The following ALG11 variants were observed in gnomAD, a reference collection of about 807,000 sequenced individuals.
ALG11 encodes the protein ALG11 alpha-1,2-mannosyltransferase.
In ALG11, 26 loss-of-function variants were observed where a neutral mutation model predicts 38.8. That is an observed-to-expected ratio of 0.67 (90% CI 0.49 to 0.93). The LOEUF is 0.93. Among genes scored for constraint, ALG11 ranks in the 40% least tolerant of loss-of-function variants. ALG11 has a pLI of 0.00. For synonymous variants in ALG11, 199 were observed against 211.6 expected, an observed-to-expected ratio of 0.94 and a Z score of 0.52; for missense variants, 535 against 578.8, an observed-to-expected ratio of 0.92 and a Z score of 0.78.
chr13:52,025,054 C>G lies in ALG11; in HGVS notation c.1207+117C>G. On this transcript the variant is annotated intron_variant, in intron 3 of 3. Transcript: ENST00000521508. ...CATGCCCTAATTCTCTTGCCCTCAT[C>G]CACCAAATGTGCTTTCCTCACTTGA... 8 of 1,165,944 alleles carry G rather than the reference C, an allele frequency of 6.9e-6. 1 individual carries two copies. Among genetic ancestry groups the G allele is most frequent in the South Asian group, 6.3e-5 (5 of 79,362 alleles). 72.2% of individuals were successfully genotyped at this position (1,165,944 alleles called of 1,614,324 possible).
At position 52,031,173 on chromosome 13, in the gene ALG11, C is replaced by A; in HGVS notation, c.*2583C>A. 1.3e-6 allele frequency: 2 copies of A among 1,526,452 alleles called. No individual in the cohort carries two copies. The highest frequency in any genetic ancestry group is 8.8e-7 in the Non-Finnish European group (1 of 1,139,168). The allele number at this position is 1,526,452 out of a possible 1,614,324, so 94.6% of individuals were successfully genotyped here. On this transcript the variant is annotated 3_prime_UTR_variant, in exon 4 of 4. Transcript: ENST00000521508. ...CTTCCTTTGGTCCAGTTTTACTCTG[C>A]TACAGGGTGGATTCCAAAACTGGCT... is the stretch of plus-strand genomic sequence containing the variant.
In ALG11 at chr13:52,024,392, C is replaced by G. The variant is rs142637770; in HGVS notation, c.662C>G (p.Ala221Gly). ...KNQNIGFNNAAFITRNPFLSK... is the reference protein window; with the variant it reads ...KNQNIGFNNAGFITRNPFLSK... The stretch of plus-strand genomic sequence containing the variant: ...CAAAATATTGGATTTAATAATGCAG[C>G]CTTCATTACCAGGAATCCTTTTCTC... Residue 221 changes from alanine (A) to glycine (G), a missense_variant, in exon 3 of 4, where the codon GCC becomes GGC. By Grantham distance (60) the Ala-to-Gly change is moderately conservative. Coordinates refer to ENST00000521508, the MANE Select transcript of ALG11 (RefSeq NM_001004127.3). The G allele has an allele frequency of 5.1e-5, 82 of 1,613,550 alleles. No individual in the cohort carries two copies. The highest frequency in any genetic ancestry group is 1.7e-4 in the Middle Eastern group (1 of 6,060).
In ALG11 at chr13:52,032,818, A is replaced by C. The variant is rs1954318376; in HGVS notation, c.*4228A>C. ...TATTTTCAGCTTTACAGACAAGAAC[A>C]ATTTAAATCTAAAGAATTTAGTAGA... On this transcript the variant is annotated 3_prime_UTR_variant, in exon 4 of 4. Transcript: ENST00000521508. 1 of 167,118 alleles carries C rather than the reference A, an allele frequency of 6.0e-6. No homozygotes were observed. Among genetic ancestry groups the C allele is most frequent in the South Asian group, 2.1e-4 (1 of 4,832 alleles). The allele number at this position is 167,118 out of a possible 1,614,324, so 10.4% of individuals were successfully genotyped here.
Position 52,029,102 on chromosome 13 carries a change from G to C in ALG11, c.*512G>C. 2 of 1,614,178 alleles carry C rather than the reference G, an allele frequency of 1.2e-6. No homozygotes were observed. The highest frequency in any genetic ancestry group is 1.7e-6 in the Non-Finnish European group (2 of 1,180,042). ...GCCCGTTAAAACTTCATCTTCTTTG[G>C]CCACTGTAAAAAAGCAACTGAATAG... On this transcript the variant is annotated 3_prime_UTR_variant, in exon 4 of 4. Transcript: ENST00000521508.
intron 1 of ALG11, among the ~76,000 whole-genome samples, chr13:52,015,335 G>T (rs891908818): frequency 6.6e-6 from 1 of 152,196 alleles, no homozygotes; most frequent in Non-Finnish European, 1.5e-5. Flanking sequence ...GAGCCAAGGA[G>T]TTTGGGGCTG....
Position 52,033,190 on chromosome 13 carries a change from G to A in ALG11, c.*4600G>A, listed in dbSNP as rs1954322159. On this transcript the variant is annotated 3_prime_UTR_variant, in exon 4 of 4. Transcript: ENST00000521508. ...TGATAGCATGAAAAGTGTCAAAGTG[G>A]TTTGTCCGCTAGCGTCTGTCTGCAG... 6.0e-6 allele frequency: 1 copy of A among 166,924 alleles called. No individual in the cohort carries two copies. Among genetic ancestry groups the A allele is most frequent in the South Asian group, 2.1e-4 (1 of 4,816 alleles). The allele number at this position is 166,924 out of a possible 1,614,324, so 10.3% of individuals were successfully genotyped here.
rs764944323 is a variant in ALG11, at chr13:52,024,440, A to G, written c.710A>G (p.Tyr237Cys). The G allele has an allele frequency of 6.2e-7, 1 of 1,613,902 alleles. No homozygotes were observed. Among genetic ancestry groups the G allele is most frequent in the African/African-American group, 1.3e-5 (1 of 74,918 alleles). ...CTCAGCAAAGTAAAGCTCATCTACT[A>G]CTATTTATTTGCTTTTATTTATGGA... The part of the protein sequence containing the change: ...PFLSKVKLIY[Y>C]YLFAFIYGLV... Residue 237 changes from tyrosine (Y) to cysteine (C), a missense_variant, in exon 3 of 4, where the codon TAC (tyrosine) becomes TGC (cysteine). Physicochemically the swap from Tyr to Cys is radical, Grantham distance 194. Coordinates refer to ENST00000521508, the MANE Select transcript of ALG11 (RefSeq NM_001004127.3).
At chr13:52,013,618 A>G (rs1593897079) in intron 1 of ALG11, among the ~76,000 whole-genome samples, 1 of 152,386 alleles carries the variant, frequency 6.6e-6, no homozygotes, top group Non-Finnish European at 1.5e-5. Flanking sequence ...AATTGCCAGA[A>G]AAACCTTTAC....
rs752079420 is a variant in ALG11 at position 52,030,538 on chromosome 13, A to G, written c.*1948A>G. On this transcript the variant is annotated 3_prime_UTR_variant, in exon 4 of 4. Transcript: ENST00000521508. ...TGAGGTCTTTGGCAGTTCCCACAAT[A>G]ATAGAGGAGCTGGAAGATGAAGAGG... is the stretch of plus-strand genomic sequence containing the variant. 1.9e-6 allele frequency: 3 copies of G among 1,614,154 alleles called. No individual in the cohort carries two copies. Among genetic ancestry groups the G allele is most frequent in the Non-Finnish European group, 2.5e-6 (3 of 1,180,038 alleles).
chr13:52,019,129 A>G lies in ALG11; in HGVS notation c.261A>G (p.Arg87=). 2 of 1,613,400 alleles carry G rather than the reference A, an allele frequency of 1.2e-6. No individual in the cohort carries two copies. Among genetic ancestry groups the G allele is most frequent in the Middle Eastern group, 1.7e-4 (1 of 6,050 alleles). The change falls in exon 2 of 4, where the codon AGA becomes AGG. Residue 87 remains arginine, a synonymous_variant. Transcript: ENST00000521508. ...AAAGAGTTTTATGGTGTGCTTTAAGAGCCCTGCAGAAAAAGTAGGTATCCA... is the reference window on the plus strand; with the variant it reads ...AAAGAGTTTTATGGTGTGCTTTAAGGGCCCTGCAGAAAAAGTAGGTATCCA... ...GGERVLWCAL[R]ALQKKYPEAV...
At position 52,012,411 on chromosome 13, in the gene ALG11, G is replaced by C. The variant is rs753957139; in HGVS notation, c.-8G>C. The C allele has an allele frequency of 6.2e-7, 1 of 1,614,168 alleles. No individual in the cohort carries two copies. The highest frequency in any genetic ancestry group is 1.3e-5 in the African/African-American group (1 of 75,076). On this transcript the variant is annotated 5_prime_UTR_variant, in exon 1 of 4. Coordinates refer to ENST00000521508, the MANE Select transcript of ALG11 (RefSeq NM_001004127.3). Reference sequence around the variant, plus strand: ...GAAGCGTTTCCTGAGTTCGGGGGTCGGCGGAAGATGGCGGCCGGCGAAAGG... The same window carrying C: ...GAAGCGTTTCCTGAGTTCGGGGGTCCGCGGAAGATGGCGGCCGGCGAAAGG...
intron 1 of ALG11, 50 bp downstream of exon 1, chr13:52,012,512 T>C: frequency 1.2e-6 from 2 of 1,613,404 alleles, no homozygotes; most frequent in Non-Finnish European, 1.7e-6. Context: ...TCTGTAGGGG[T>C]ACTTGCCCGT....
At chr13:52,016,819 C>T (rs1398411679) in intron 1 of ALG11, 2 of 152,222 alleles carry the variant, frequency 1.3e-5, no homozygotes, top group Non-Finnish European at 2.9e-5. Context: ...GGTTGGAGCC[C>T]CCACACAGAG....
chr13:52,031,182 G>A lies in ALG11; in HGVS notation c.*2592G>A. On this transcript the variant is annotated 3_prime_UTR_variant, in exon 4 of 4. Transcript: ENST00000521508. ...GTCCAGTTTTACTCTGCTACAGGGTGGATTCCAAAACTGGCTCAGCACATT... is the reference window on the plus strand; with the variant it reads ...GTCCAGTTTTACTCTGCTACAGGGTAGATTCCAAAACTGGCTCAGCACATT... The A allele has an allele frequency of 4.6e-6, 7 of 1,515,964 alleles. No individual in the cohort carries two copies. The highest frequency in any genetic ancestry group is 4.5e-5 in the Admixed American group (2 of 44,772). The allele number at this position is 1,515,964 out of a possible 1,614,324, so 93.9% of individuals were successfully genotyped here.
rs1954275360 is a variant in ALG11, at chr13:52,029,432, TC to T, written c.*843del. On this transcript the variant is annotated 3_prime_UTR_variant, in exon 4 of 4. Coordinates refer to ENST00000521508, the MANE Select transcript of ALG11 (RefSeq NM_001004127.3). The stretch of plus-strand genomic sequence containing the variant: ...TTTACTGACTCCCATGGAAAAGGCC[TC>T]TCTCCAAGCCATGAGCCTGGAAGAG... 1.2e-6 allele frequency: 2 copies of T among 1,613,942 alleles called. No homozygotes were observed. The highest frequency in any genetic ancestry group is 2.7e-5 in the African/African-American group (2 of 74,872).
At chr13:52,022,701 T>G (rs11148234) in intron 2 of ALG11, 21,323 of 150,572 alleles carry the variant, frequency 0.14, 1,555 homozygotes, top group Middle Eastern at 0.19. Flanking sequence ...TAAATTTGTT[T>G]TTTTTTTTTT....
In ALG11 at chr13:52,033,141, A is replaced by G. The variant is rs1015808683; in HGVS notation, c.*4551A>G. 6.0e-6 allele frequency: 1 copy of G among 167,092 alleles called. No individual in the cohort carries two copies. Among genetic ancestry groups the G allele is most frequent in the East Asian group, 1.9e-4 (1 of 5,204 alleles). The allele number at this position is 167,092 out of a possible 1,614,324, so 10.4% of individuals were successfully genotyped here. On this transcript the variant is annotated 3_prime_UTR_variant, in exon 4 of 4. Transcript: ENST00000521508. ...TTATCAGTGTTCCTAATTTGGTATTACATGTATTCTATTTTTTTCTGAATG... is the reference window on the plus strand; with the variant it reads ...TTATCAGTGTTCCTAATTTGGTATTGCATGTATTCTATTTTTTTCTGAATG...
At position 52,028,336 on chromosome 13, in the gene ALG11, G is replaced by A. The variant is rs1190912997; in HGVS notation, c.1225G>A (p.Ala409Thr). ...TTTCTCAGGAGTTGTGGAGTGTATG[G>A]CAGCTGGCACAATTATCCTTGCACA... The part of the protein sequence containing the change: ...HFGIGVVECM[A>T]AGTIILAHNS... The change falls in exon 4 of 4, where the codon GCA becomes ACA. Residue 409 changes from alanine to threonine, a missense_variant. Ala to Thr is a moderately conservative substitution (Grantham distance 58). Coordinates refer to ENST00000521508, the MANE Select transcript of ALG11 (RefSeq NM_001004127.3). The A allele has an allele frequency of 6.2e-7, 1 of 1,613,988 alleles. No individual in the cohort carries two copies. The highest frequency in any genetic ancestry group is 8.5e-7 in the Non-Finnish European group (1 of 1,180,026).
Position 52,029,657 on chromosome 13 carries a change from A to C in ALG11, c.*1067A>C. On this transcript the variant is annotated 3_prime_UTR_variant, in exon 4 of 4. Transcript: ENST00000521508. ...TGTGGCACTGGAAGAAATGGAAAAA[A>C]TTGAAAATGCCAGAATGATGGAAAG... The C allele has an allele frequency of 6.2e-7, 1 of 1,614,240 alleles. No homozygotes were observed. The highest frequency in any genetic ancestry group is 1.1e-5 in the South Asian group (1 of 91,084).
Sources: allele counts gnomAD v4.1 joint callset (sites outside exome capture counted in the v4.1 genomes callset), GRCh38; gene constraint gnomAD v4.1.1; transcripts MANE v1.5; gene names NCBI Gene and HGNC (gene_info 2026-07-23, HGNC 2026-07-21).